SSH3: variants seen among roughly 807,000 people sequenced by gnomAD.
The protein encoded by SSH3 is slingshot protein phosphatase 3.
SSH3 carries 67 observed loss-of-function variants against 75.0 expected under a neutral mutation model. The observed-to-expected ratio is 0.89, with a 90% CI of 0.73 to 1.10. SSH3 has a LOEUF of 1.10. Among genes scored for constraint, SSH3 ranks in the 50% least tolerant of loss-of-function variants. The pLI, the probability that SSH3 is intolerant of heterozygous loss-of-function variation, is 0.00. For missense variants in SSH3, 824 were observed against 872.7 expected, an observed-to-expected ratio of 0.94 and a Z score of 0.70; for synonymous variants, 318 against 349.2, an observed-to-expected ratio of 0.91 and a Z score of 1.00.
chr11:67,303,893 G>A, intron 1 of SSH3: 8 of 757,076 alleles, frequency 1.1e-5, no homozygotes, highest in Non-Finnish European at 1.2e-5. Context: ...CCCGGGCTGC[G>A]GAGGCCCCGA....
Position 67,303,679 on chromosome 11 carries a change from C to G in SSH3, c.54C>G (p.Pro18=). 1 of 1,511,172 alleles carries G rather than the reference C, an allele frequency of 6.6e-7. No individual in the cohort carries two copies. Among genetic ancestry groups the G allele is most frequent in the Non-Finnish European group, 8.8e-7 (1 of 1,136,388 alleles). The allele number at this position is 1,511,172 out of a possible 1,614,324, so 93.6% of individuals were successfully genotyped here. Reference sequence around the variant, plus strand: ...CCCCGGGCAGCGGCGCCTCCACGCCCGTGGGGCCCTGGGTGAGTGTGGTCC... The same window carrying G: ...CCCCGGGCAGCGGCGCCTCCACGCCGGTGGGGCCCTGGGTGAGTGTGGTCC... ...RSPPGSGAST[P]VGPWDQAVQR... Residue 18 remains proline (P), a synonymous_variant, in exon 1 of 14, where the codon CCC becomes CCG. Transcript: ENST00000308127.
Position 67,307,796 on chromosome 11 carries a change from G to A in SSH3, c.792-50G>A, listed in dbSNP as rs763148055. Reference sequence around the variant, plus strand: ...GGAAGGCAGGATAATGCAGTGGGGGGCATGGTGGAGAGGGGAAAGGGCCCC... The same window carrying A: ...GGAAGGCAGGATAATGCAGTGGGGGACATGGTGGAGAGGGGAAAGGGCCCC... On this transcript the variant is annotated intron_variant, in intron 7 of 13. Coordinates refer to ENST00000308127, the MANE Select transcript of SSH3 (RefSeq NM_017857.4). The surrounding 1 kb of genome is among the most constrained non-coding windows in gnomAD (Gnocchi z 4.2). 1.9e-6 allele frequency: 3 copies of A among 1,613,846 alleles called. No homozygotes were observed. The highest frequency in any genetic ancestry group is 2.5e-6 in the Non-Finnish European group (3 of 1,179,988).
chr11:67,306,966 C>G lies in SSH3; in HGVS notation c.464+4C>G, dbSNP rs180716488. ...GCGTGGATTTCCCTGACAGCAGGTTCGAGCAGGGAGAGGAAAGGAGGGGCA... is the reference window on the plus strand; with the variant it reads ...GCGTGGATTTCCCTGACAGCAGGTTGGAGCAGGGAGAGGAAAGGAGGGGCA... On this transcript the variant is annotated splice_donor_region_variant and intron_variant, in intron 4 of 13. Coordinates refer to ENST00000308127, the MANE Select transcript of SSH3 (RefSeq NM_017857.4). 3.1e-6 allele frequency: 5 copies of G among 1,612,194 alleles called. No individual in the cohort carries two copies. Among genetic ancestry groups the G allele is most frequent in the Non-Finnish European group, 4.2e-6 (5 of 1,178,502 alleles).
Position 67,307,826 on chromosome 11 carries a change from C to G in SSH3, c.792-20C>G, listed in dbSNP as rs753680737. The G allele has an allele frequency of 3.7e-6, 6 of 1,614,092 alleles. No individual in the cohort carries two copies. Among genetic ancestry groups the G allele is most frequent in the Middle Eastern group, 3.3e-4 (2 of 6,060 alleles). Reference sequence around the variant, plus strand: ...GTGGAGAGGGGAAAGGGCCCCTTGACTGAGGGGCTCTGCTCCCAGGTCCTC... The same window carrying G: ...GTGGAGAGGGGAAAGGGCCCCTTGAGTGAGGGGCTCTGCTCCCAGGTCCTC... On this transcript the variant is annotated intron_variant, in intron 7 of 13. Transcript: ENST00000308127. This position sits in a 1 kb window ranked among gnomAD's most constrained non-coding sequence, Gnocchi z 4.2.
chr11:67,304,272 T>G, intron 2 of SSH3, 117 bp downstream of exon 2: 2 of 824,088 alleles, frequency 2.4e-6, no homozygotes, highest in Non-Finnish European at 3.7e-6. Flanking sequence ...CGAAGCCCAC[T>G]GCCAAATTTG....
chr11:67,311,733 G>A lies in SSH3; in HGVS notation c.1826G>A (p.Ser609Asn). ...CAGTCAGTGGTTACCCTCCAGGGCA[G>A]TGCCGTGGTGGCCAACCGGACCCAG... ...SRQSVVTLQGSAVVANRTQAF... is the reference protein window; with the variant it reads ...SRQSVVTLQGNAVVANRTQAF... The change falls in exon 14 of 14, where the codon AGT becomes AAT. Residue 609 changes from serine (S) to asparagine (N), a missense_variant. Coordinates refer to ENST00000308127, the MANE Select transcript of SSH3 (RefSeq NM_017857.4). 6.2e-7 allele frequency: 1 copy of A among 1,614,030 alleles called. No homozygotes were observed. Among genetic ancestry groups the A allele is most frequent in the Non-Finnish European group, 8.5e-7 (1 of 1,179,970 alleles).
rs753677593 is a variant in SSH3, at chr11:67,307,735, C to T, written c.789C>T (p.Gly263=). Residue 263 remains glycine, a splice_region_variant and synonymous_variant, in exon 7 of 14, where the codon GGC becomes GGT. Transcript: ENST00000308127. The surrounding 1 kb of genome is among the most constrained non-coding windows in gnomAD (Gnocchi z 4.2). ...ESLRPPSAEP[G]GSSEQEQMEQ... ...TGCGGCCTCCCAGCGCCGAGCCTGGCGGGTCAGTGTGTGGAGGGGAGGGAC... is the reference window on the plus strand; with the variant it reads ...TGCGGCCTCCCAGCGCCGAGCCTGGTGGGTCAGTGTGTGGAGGGGAGGGAC... The T allele has an allele frequency of 3.4e-5, 55 of 1,613,494 alleles. No individual in the cohort carries two copies. In the Middle Eastern group the frequency reaches 8.2e-4, roughly 24 times the overall value.
At position 67,303,797 on chromosome 11, in the gene SSH3, G is replaced by A. The variant is rs1328556038; in HGVS notation, c.66+106G>A. 13 of 1,228,092 alleles carry A rather than the reference G, an allele frequency of 1.1e-5. No homozygotes were observed. The East Asian group carries it at 2.5e-4, about 23-fold the overall frequency. The allele number at this position is 1,228,092 out of a possible 1,614,324, so 76.1% of individuals were successfully genotyped here. ...TCTCGAACGGGGACATGAGGAGGGG[G>A]CCCCGGGGCTCGGGCTGGAGGGCGC... On this transcript the variant is annotated intron_variant, in intron 1 of 13. Transcript: ENST00000308127.
At chr11:67,306,150 G>A (rs1013502586) in intron 3 of SSH3, among the ~76,000 whole-genome samples, 16 of 151,966 alleles carry the variant, frequency 1.1e-4, no homozygotes, top group Admixed American at 3.3e-4. Context: ...TTAGCCAGGC[G>A]TGGTGGCGGG....
In SSH3 at chr11:67,308,844, T is replaced by C. The variant is rs569371182; in HGVS notation, c.1061+386T>C. Among the ~76,000 whole-genome samples, 60 of 152,050 alleles carry C rather than the reference T, an allele frequency of 3.9e-4. No homozygotes were observed. The highest frequency in any genetic ancestry group is 6.8e-4 in the Non-Finnish European group (46 of 67,964). The stretch of plus-strand genomic sequence containing the variant: ...AGGAGGATCGCTTGAGCCCTGGAGA[T>C]TGAGGCCGCAGTGAGCCGTGATCAC... On this transcript the variant is annotated intron_variant, in intron 10 of 13. Transcript: ENST00000308127. This position sits in a 1 kb window ranked among gnomAD's most constrained non-coding sequence, Gnocchi z 4.9.
At position 67,306,957 on chromosome 11, in the gene SSH3, C is replaced by G; in HGVS notation, c.459C>G (p.Asp153Glu). 9 of 1,612,510 alleles carry G rather than the reference C, an allele frequency of 5.6e-6. No individual in the cohort carries two copies. The highest frequency in any genetic ancestry group is 7.6e-6 in the Non-Finnish European group (9 of 1,178,712). ...ETVLLGVDFP[D>E]SSSPSCTLGL... ...TCCTCCTGGGCGTGGATTTCCCTGA[C>G]AGCAGGTTCGAGCAGGGAGAGGAAA... Residue 153 changes from aspartate (D) to glutamate (E), a missense_variant, in exon 4 of 14, where the codon GAC becomes GAG. Coordinates refer to ENST00000308127, the MANE Select transcript of SSH3 (RefSeq NM_017857.4).
rs148598265 is a variant in SSH3, at chr11:67,310,301, G to A, written c.1645G>A (p.Glu549Lys). ...RSISLLEPSL[E>K]LESTSETSDM... ...CATCAGTCTTCTGGAGCCCTCCTTG[G>A]AGCTGGAGAGCACCTCAGAGACCAG... The change falls in exon 13 of 14, where the codon GAG becomes AAG. Residue 549 changes from glutamate (E) to lysine (K), a missense_variant. Glu to Lys is a moderately conservative substitution (Grantham distance 56). Coordinates refer to ENST00000308127, the MANE Select transcript of SSH3 (RefSeq NM_017857.4). 2.4e-5 allele frequency: 38 copies of A among 1,613,692 alleles called. No homozygotes were observed. The highest frequency in any genetic ancestry group is 3.1e-5 in the Non-Finnish European group (37 of 1,179,794).
At position 67,305,004 on chromosome 11, in the gene SSH3, C is replaced by T. The variant is rs890129839; in HGVS notation, c.336C>T (p.Arg112=). ...VQLLRPQDDI[R]LAAQLEAPRP... Reference sequence around the variant, plus strand: ...TGCTGAGGCCGCAGGATGACATCCGCCTGGTGAGGGCCCATGTGGAGCTCC... The same window carrying T: ...TGCTGAGGCCGCAGGATGACATCCGTCTGGTGAGGGCCCATGTGGAGCTCC... Residue 112 remains arginine, a synonymous_variant, in exon 3 of 14, where the codon CGC becomes CGT. Coordinates refer to ENST00000308127, the MANE Select transcript of SSH3 (RefSeq NM_017857.4). 23 of 1,608,246 alleles carry T rather than the reference C, an allele frequency of 1.4e-5. 1 individual carries two copies. The Admixed American group carries it at 2.9e-4, about 20-fold the overall frequency.
In SSH3 at chr11:67,307,371, G is replaced by A. The variant is rs2134776191; in HGVS notation, c.537G>A (p.Gly179=). The A allele has an allele frequency of 6.2e-7, 1 of 1,613,886 alleles. No individual in the cohort carries two copies. The highest frequency in any genetic ancestry group is 1.3e-5 in the African/African-American group (1 of 75,044). The change falls in exon 6 of 14, where the codon GGG becomes GGA. Residue 179 remains glycine, a splice_region_variant and synonymous_variant. Coordinates refer to ENST00000308127, the MANE Select transcript of SSH3 (RefSeq NM_017857.4). This position sits in a 1 kb window ranked among gnomAD's most constrained non-coding sequence, Gnocchi z 4.2. ...SDTQVYLDGD[G]GFSVTSGGQS... is the part of the protein sequence containing the mutation. ...CTCACCTGTGCCTGGTCTCCTGCAG[G>A]GGCTTCAGCGTGACGTCTGGTGGGC... is the stretch of plus-strand genomic sequence containing the variant.
At chr11:67,303,814 G>A (rs1037149149) in intron 1 of SSH3, 123 bp downstream of exon 1, 31 of 1,058,978 alleles carry the variant, frequency 2.9e-5, no homozygotes, top group Non-Finnish European at 3.7e-5. Context: ...GGCTCGGGCT[G>A]GAGGGCGCTG....
At chr11:67,304,637 T>C (rs200267204) in intron 2 of SSH3, 136 bp from the exon 3 acceptor site, 3 of 832,048 alleles carry the variant, frequency 3.6e-6, no homozygotes, top group Non-Finnish European at 5.7e-6. Context: ...GCCTCCACTC[T>C]AGACCTATCG....
Position 67,303,543 on chromosome 11 carries a change from G to A in SSH3, c.-83G>A. On this transcript the variant is annotated 5_prime_UTR_variant, in exon 1 of 14. Coordinates refer to ENST00000308127, the MANE Select transcript of SSH3 (RefSeq NM_017857.4). ...CCGGGTGGCGCCGTCCGTCCTTCCTGGTCCTGCGGGTCCAGGACTGTCCGC... is the reference window on the plus strand; with the variant it reads ...CCGGGTGGCGCCGTCCGTCCTTCCTAGTCCTGCGGGTCCAGGACTGTCCGC... 1.4e-6 allele frequency: 2 copies of A among 1,384,858 alleles called. No individual in the cohort carries two copies. Among genetic ancestry groups the A allele is most frequent in the South Asian group, 2.6e-5 (2 of 76,998 alleles). 85.8% of individuals were successfully genotyped at this position (1,384,858 alleles called of 1,614,324 possible).
rs747098591 is a variant in SSH3, at chr11:67,308,646, GC to G, written c.1061+193del. Among the ~76,000 whole-genome samples, 4 of 152,098 alleles carry G rather than the reference GC, an allele frequency of 2.6e-5. No homozygotes were observed. Among genetic ancestry groups the G allele is most frequent in the Non-Finnish European group, 5.9e-5 (4 of 68,006 alleles). On this transcript the variant is annotated intron_variant, in intron 10 of 13. Transcript: ENST00000308127. This position sits in a 1 kb window ranked among gnomAD's most constrained non-coding sequence, Gnocchi z 4.9. ...GTGGGGACAGGAGACCTGCTGGCCA[GC>G]CCCCGCCCACTCTCCTCCCCCATCC...
At chr11:67,305,092 G>T in intron 3 of SSH3, 85 bp downstream of exon 3, 1 of 1,362,816 alleles carries the variant, frequency 7.3e-7, no homozygotes, top group Admixed American at 2.1e-5. Context: ...TGTCTGCTTG[G>T]GGAGCAATGG....
Sources: gnomAD v4.1 joint callset for allele counts (sites outside exome capture counted in the v4.1 genomes callset) on GRCh38, gnomAD v4.1.1 for gene constraint, Gnocchi (gnomAD v3.1) non-coding constraint, MANE v1.5 for transcripts, NCBI Gene and HGNC (gene_info 2026-07-23, HGNC 2026-07-21) for gene names.